The following SYCP2L variants were observed in gnomAD, a reference collection of about 807,000 sequenced individuals.
SYCP2L encodes synaptonemal complex protein 2-like.
SYCP2L carries 98 observed loss-of-function variants against 125.8 expected under a neutral mutation model. The observed-to-expected ratio is 0.78, with a 90% CI of 0.66 to 0.92. The LOEUF is 0.92. Ranked by LOEUF, SYCP2L falls within the 40% of genes least tolerant of loss-of-function variation. The pLI is 0.00. For missense variants in SYCP2L, 842 were observed against 936.4 expected (o/e 0.90, Z 1.32); for synonymous variants, 317 against 325.4 (o/e 0.97, Z 0.28).
At chr6:10,972,686 C>T (rs1005296409) in intron 29 of SYCP2L, among the ~76,000 whole-genome samples, 5 of 152,298 alleles carry the variant, frequency 3.3e-5, no homozygotes, top group South Asian at 2.1e-4. Flanking sequence ...TCCCCTCTTT[C>T]GCTTTTTATT....
At chr6:10,967,644 GA>G (rs1298617168) in intron 29 of SYCP2L, among the ~76,000 whole-genome samples, 1 of 152,076 alleles carries the variant, frequency 6.6e-6, no homozygotes, top group African/African-American at 2.4e-5. Context: ...AAACACATTT[GA>G]TAAAAATTCA....
chr6:10,956,742 T>G (rs1196468770), intron 25 of SYCP2L, among the ~76,000 whole-genome samples: 2 of 152,140 alleles, frequency 1.3e-5, no homozygotes, highest in Non-Finnish European at 2.9e-5. Context: ...AGATTACAGG[T>G]GTAAGCCACC....
At chr6:10,937,578 G>T (rs956141935) in intron 21 of SYCP2L, among the ~76,000 whole-genome samples, 1 of 151,898 alleles carries the variant, frequency 6.6e-6, no homozygotes, top group Non-Finnish European at 1.5e-5. Context: ...CAAATATTAA[G>T]GCATAAATAA....
Position 10,924,543 on chromosome 6 carries a change from A to T in SYCP2L, c.1120A>T (p.Ile374Phe), listed in dbSNP as rs1296943541. ...IFIIYLKKPM[I>F]ISYKEVMKIE... Reference sequence around the variant, plus strand: ...TATCATTTACCTGAAGAAGCCCATGATTATCAGCTACAAAGAAGTCATGAA... The same window carrying T: ...TATCATTTACCTGAAGAAGCCCATGTTTATCAGCTACAAAGAAGTCATGAA... The change falls in exon 15 of 30, where the codon ATT becomes TTT. Residue 374 changes from isoleucine (I) to phenylalanine (F), a missense_variant. Physicochemically the swap from Ile to Phe is conservative, Grantham distance 21 (BLOSUM62 0). Coordinates refer to ENST00000283141, the MANE Select transcript of SYCP2L (RefSeq NM_001040274.3). The T allele has an allele frequency of 5.0e-6, 8 of 1,601,066 alleles. No homozygotes were observed. The African/African-American group carries it at 6.7e-5, about 13-fold the overall frequency.
At chr6:10,931,067 A>C (rs1780989117) in intron 19 of SYCP2L, among the ~76,000 whole-genome samples, 1 of 152,184 alleles carries the variant, frequency 6.6e-6, no homozygotes, top group African/African-American at 2.4e-5. Context: ...GCTACTGGGG[A>C]GGCTGAGGCA....
chr6:10,950,687 C>T (rs886489116), intron 23 of SYCP2L, among the ~76,000 whole-genome samples: 2 of 152,120 alleles, frequency 1.3e-5, no homozygotes, highest in African/African-American at 4.8e-5. Context: ...AGACTTGTGT[C>T]AGAGGGACCC....
chr6:10,931,248 GCTGAGTGGTGAGGAA>G (rs1288464305), intron 19 of SYCP2L, among the ~76,000 whole-genome samples, 177 bp from the exon 20 acceptor site: 6 of 152,222 alleles, frequency 3.9e-5, no homozygotes, highest in South Asian at 4.1e-4. Flanking sequence ...GAGAATTCAT[GCTGAGTGGTGAGGAA>G]CTGAGTGGTG....
intron 7 of SYCP2L, 21 bp downstream of exon 7, chr6:10,902,783 C>T (rs545327866): frequency 6.2e-7 from 1 of 1,612,720 alleles, no homozygotes; most frequent in South Asian, 1.1e-5. Context: ...AGTAACAAAA[C>T]AGGTAATAGT....
rs181955458 is a variant in SYCP2L, at chr6:10,927,306, C to G, written c.1379C>G (p.Thr460Ser). 5.6e-4 allele frequency: 901 copies of G among 1,614,162 alleles called. 1 individual carries two copies. The Middle Eastern group carries it at 0.01, about 18-fold the overall frequency. The change falls in exon 17 of 30, where the codon ACT becomes AGT. Residue 460 changes from threonine to serine, a missense_variant. Transcript: ENST00000283141. ...GCTGAAGATGACCGCTGCCTAATAA[C>G]TCTCCACTTAAATGACCAATCTGAG... ...MSAEDDRCLI[T>S]LHLNDQSEPP...
At position 10,961,516 on chromosome 6, in the gene SYCP2L, A is replaced by G. The variant is rs1206321195; in HGVS notation, c.2372A>G (p.Gln791Arg). ...EKEVLEFWGKQSADLQSFCDL... is the reference protein window; with the variant it reads ...EKEVLEFWGKRSADLQSFCDL... ...CAATCTTAGGAATTCTGGGGGAAAC[A>G]GTCTGCTGATCTGCAATCTTTCTGT... The change falls in exon 28 of 30, where the codon CAG (glutamine) becomes CGG (arginine). Residue 791 changes from glutamine (Q) to arginine (R), a missense_variant. Physicochemically the swap from Gln to Arg is conservative, Grantham distance 43. Transcript: ENST00000283141. 3 of 1,614,192 alleles carry G rather than the reference A, an allele frequency of 1.9e-6. No individual in the cohort carries two copies. The South Asian group carries it at 3.3e-5, about 18-fold the overall frequency.
intron 1 of SYCP2L, among the ~76,000 whole-genome samples, chr6:10,887,426 G>A (rs1780093070): frequency 6.6e-6 from 1 of 152,208 alleles, no homozygotes; most frequent in Admixed American, 6.5e-5. Context: ...GTTGCTTTGC[G>A]TATTTTCCTA....
intron 20 of SYCP2L, among the ~76,000 whole-genome samples, chr6:10,932,049 ATGC>A (rs1278743552): frequency 7.2e-6 from 1 of 138,612 alleles, no homozygotes; most frequent in Non-Finnish European, 1.5e-5. Flanking sequence ...ATTATGAATG[ATGC>A]TAAAATTCTG....
chr6:10,906,360 C>T (rs1228337788), intron 9 of SYCP2L, among the ~76,000 whole-genome samples: 2 of 151,764 alleles, frequency 1.3e-5, no homozygotes, highest in East Asian at 3.9e-4. Context: ...TGTTCCTCAT[C>T]CCATTTCCCT....
In SYCP2L at chr6:10,924,560, A is replaced by T. The variant is rs572323112; in HGVS notation, c.1137A>T (p.Glu379Asp). ...LKKPMIISYK[E>D]VMKIEIHFDL... ...AGCCCATGATTATCAGCTACAAAGA[A>T]GTCATGAAAATAGAAATCCATTTTG... Residue 379 changes from glutamate (E) to aspartate (D), a missense_variant, in exon 15 of 30, where the codon GAA becomes GAT. Transcript: ENST00000283141. 10 of 1,606,016 alleles carry T rather than the reference A, an allele frequency of 6.2e-6. No homozygotes were observed. The East Asian group carries it at 1.8e-4, about 29-fold the overall frequency.
At chr6:10,967,454 G>GGGGTGTGTGTGTGTGTGT (rs56098075) in intron 29 of SYCP2L, among the ~76,000 whole-genome samples, 2,361 of 138,878 alleles carry the variant, frequency 0.017, 47 homozygotes, top group Non-Finnish European at 0.024. Flanking sequence ...TGGGGTAGAG[G>GGGGTGTGTGTGTGTGTGT]GTGTGTGTGT....
At chr6:10,927,423 G>C (rs1780916992) in intron 17 of SYCP2L, 56 bp downstream of exon 17, 1 of 1,433,518 alleles carries the variant, frequency 7.0e-7, no homozygotes, top group African/African-American at 1.4e-5. Context: ...TAAAGGGACG[G>C]ACTACAAAAG....
chr6:10,958,758 ATCTTGTTAT>A lies in SYCP2L; in HGVS notation c.2164-24_2164-16del. ...TTATGTAATTATATTAAATGTGATC[ATCTTGTTAT>A]TGTTGTTATGATTTAGCTTAGGTAC... On this transcript the variant is annotated splice_polypyrimidine_tract_variant and intron_variant, in intron 25 of 29. Transcript: ENST00000283141. 1 of 1,583,270 alleles carries A rather than the reference ATCTTGTTAT, an allele frequency of 6.3e-7. No homozygotes were observed. Among genetic ancestry groups the A allele is most frequent in the East Asian group, 2.3e-5 (1 of 44,414 alleles).
chr6:10,905,910 G>C, intron 8 of SYCP2L, 110 bp from the exon 9 acceptor site: 1 of 695,222 alleles, frequency 1.4e-6, no homozygotes, highest in Non-Finnish European at 2.4e-6. Flanking sequence ...TGCTGAATTT[G>C]AAATAGTTTC....
intron 6 of SYCP2L, among the ~76,000 whole-genome samples, chr6:10,899,847 A>G (rs916362179): frequency 1.3e-5 from 2 of 152,222 alleles, no homozygotes; most frequent in Admixed American, 1.3e-4. Context: ...TTTCAAGTCA[A>G]AGTTTTATGA....
Sources: gnomAD v4.1 joint callset for allele counts (sites outside exome capture counted in the v4.1 genomes callset) on GRCh38, gnomAD v4.1.1 for gene constraint, MANE v1.5 for transcripts, NCBI Gene and HGNC (gene_info 2026-07-23, HGNC 2026-07-21) for gene names.